The following DCC variants were observed in gnomAD, a reference collection of about 807,000 sequenced individuals.
The protein encoded by DCC is DCC netrin 1 receptor.
Under a neutral mutation model 172.5 loss-of-function variants are expected in DCC, and 58 were observed. That is an observed-to-expected ratio of 0.34 (90% CI 0.27 to 0.42). DCC has a LOEUF of 0.42. DCC is among the 10% of genes least tolerant of loss of function. The probability of loss-of-function intolerance (pLI) is 1.00; values close to 1 mark genes in which losing one functional copy is unlikely to be tolerated. For missense variants in DCC, 1,740 were observed against 1,791.0 expected (o/e 0.97, Z 0.51); for synonymous variants, 709 against 644.5 (o/e 1.10, Z -1.52).
At chr18:53,263,445 C>A (rs1488308401) in intron 12 of DCC, among the ~76,000 whole-genome samples, 1 of 152,186 alleles carries the variant, frequency 6.6e-6, no homozygotes, top group Non-Finnish European at 1.5e-5. Flanking sequence ...AGCCACCACA[C>A]CCAGCCTGAA....
At chr18:52,822,180 T>C (rs1299426389) in intron 2 of DCC, among the ~76,000 whole-genome samples, 1 of 152,120 alleles carries the variant, frequency 6.6e-6, no homozygotes. Context: ...CATGAAAATA[T>C]AAGACTAAAT....
At chr18:53,241,018 A>G (rs1362318523) in intron 12 of DCC, among the ~76,000 whole-genome samples, 5 of 152,162 alleles carry the variant, frequency 3.3e-5, no homozygotes. Context: ...GTCCTCAGCA[A>G]TATTACTTAC....
intron 27 of DCC, among the ~76,000 whole-genome samples, chr18:53,520,283 GT>G (rs2046385555): frequency 6.6e-6 from 1 of 152,096 alleles, no homozygotes. Flanking sequence ...CCAGTATCCT[GT>G]TTGGATTGGA....
intron 15 of DCC, among the ~76,000 whole-genome samples, chr18:53,344,269 A>T (rs1353443269): frequency 2.0e-5 from 3 of 151,786 alleles, no homozygotes; most frequent in African/African-American, 7.3e-5. Context: ...GCATTCCACA[A>T]ATTTTGATAT....
intron 5 of DCC, among the ~76,000 whole-genome samples, chr18:52,975,997 T>G (rs1265653750): frequency 1.3e-5 from 2 of 152,200 alleles, no homozygotes; most frequent in Non-Finnish European, 2.9e-5. Context: ...CATTCCTTTT[T>G]CTCTACAACC....
At chr18:52,722,360 C>A (rs1190553659) in intron 1 of DCC, among the ~76,000 whole-genome samples, 1 of 152,162 alleles carries the variant, frequency 6.6e-6, no homozygotes, top group African/African-American at 2.4e-5. Context: ...TCCTTTCCTA[C>A]CTTTCACCAT....
chr18:52,710,708 G>A (rs1156709293), intron 1 of DCC, among the ~76,000 whole-genome samples: 2 of 152,176 alleles, frequency 1.3e-5, no homozygotes, highest in African/African-American at 2.4e-5. Flanking sequence ...GTGGTTAAAA[G>A]GTATTTAATA....
chr18:52,463,820 T>A (rs192894381), intron 1 of DCC, among the ~76,000 whole-genome samples: 1 of 152,226 alleles, frequency 6.6e-6, no homozygotes, highest in Non-Finnish European at 1.5e-5. Flanking sequence ...ATTCATTATA[T>A]AATCATAAGT....
At chr18:53,457,203 C>T (rs918347293) in intron 23 of DCC, among the ~76,000 whole-genome samples, 1 of 152,144 alleles carries the variant, frequency 6.6e-6, no homozygotes, top group Non-Finnish European at 1.5e-5. Context: ...ATTTCTTCCC[C>T]AGTGGAGATT....
intron 12 of DCC, among the ~76,000 whole-genome samples, chr18:53,292,800 A>C (rs1019371177): frequency 6.6e-6 from 1 of 152,230 alleles, no homozygotes; most frequent in Non-Finnish European, 1.5e-5. Context: ...TAATTGTTGC[A>C]ATCAGATTAA....
chr18:52,978,449 G>A (rs562184789), intron 5 of DCC, among the ~76,000 whole-genome samples: 4 of 152,292 alleles, frequency 2.6e-5, no homozygotes, highest in South Asian at 4.2e-4. Flanking sequence ...CATAGAGGCC[G>A]AGTAAAAATT....
At chr18:52,876,771 T>C (rs1358418537) in intron 2 of DCC, among the ~76,000 whole-genome samples, 1 of 152,156 alleles carries the variant, frequency 6.6e-6, no homozygotes, top group African/African-American at 2.4e-5. Flanking sequence ...CTACATGCAT[T>C]GTGCTCAGGA....
At chr18:52,438,748 C>T (rs1987876632) in intron 1 of DCC, among the ~76,000 whole-genome samples, 2 of 152,182 alleles carry the variant, frequency 1.3e-5, no homozygotes, top group African/African-American at 2.4e-5. Flanking sequence ...AGTGGCATCA[C>T]TATTTCATTA....
chr18:52,522,995 A>T (rs1423105945), intron 1 of DCC, among the ~76,000 whole-genome samples: 3 of 152,184 alleles, frequency 2.0e-5, no homozygotes, highest in Non-Finnish European at 4.4e-5. Context: ...TTCTGGTAAT[A>T]TTGGTATGAA....
intron 2 of DCC, among the ~76,000 whole-genome samples, chr18:52,867,488 G>T (rs1306901350): frequency 6.6e-6 from 1 of 151,708 alleles, no homozygotes; most frequent in Non-Finnish European, 1.5e-5. Context: ...GGTAGAATTT[G>T]GCTGTGAATC....
chr18:53,421,065 C>CTTTAAAAAT (rs1568120562), intron 21 of DCC, among the ~76,000 whole-genome samples: 10 of 152,120 alleles, frequency 6.6e-5, no homozygotes, highest in Non-Finnish European at 1.5e-4. Flanking sequence ...TAGAAAATCC[C>CTTTAAAAAT]TTTGTTTTGA....
chr18:53,495,707 G>C (rs918365975), intron 26 of DCC, among the ~76,000 whole-genome samples: 2 of 152,194 alleles, frequency 1.3e-5, no homozygotes, highest in African/African-American at 4.8e-5. Flanking sequence ...ATCCTGAAGA[G>C]TGTCTTCCAA....
chr18:52,556,576 A>G (rs1486403966), intron 1 of DCC, among the ~76,000 whole-genome samples: 2 of 152,128 alleles, frequency 1.3e-5, no homozygotes, highest in African/African-American at 4.8e-5. Flanking sequence ...AGAACTCATG[A>G]TTAGTGTCCT....
intron 1 of DCC, among the ~76,000 whole-genome samples, chr18:52,742,527 G>A (rs1255784497): frequency 2.6e-5 from 4 of 152,104 alleles, no homozygotes; most frequent in Non-Finnish European, 5.9e-5. Flanking sequence ...TAAATATTAG[G>A]TGGATGAAGG....
Sources: allele counts gnomAD v4.1 joint callset (sites outside exome capture counted in the v4.1 genomes callset), GRCh38; gene constraint gnomAD v4.1.1; transcripts MANE v1.5; gene names NCBI Gene and HGNC (gene_info 2026-07-23, HGNC 2026-07-21).